CFAP61: variants seen among roughly 807,000 people sequenced by gnomAD.
The protein encoded by CFAP61 is cilia and flagella associated protein 61.
CFAP61 carries 107 observed loss-of-function variants against 135.6 expected under a neutral mutation model. That is an observed-to-expected ratio of 0.79 (90% confidence interval 0.67 to 0.93). The LOEUF (loss-of-function observed/expected upper bound fraction) is 0.93, where lower values mean the gene tolerates loss of function less well. Among genes scored for constraint, CFAP61 ranks in the 40% least tolerant of loss-of-function variants. The pLI is 0.00. For synonymous variants in CFAP61, 575 were observed against 578.5 expected (o/e 0.99, Z 0.09); for missense variants, 1,507 against 1,556.2 (o/e 0.97, Z 0.53).
At chr20:20,309,495 T>G (rs2056688905) in intron 25 of CFAP61, among the ~76,000 whole-genome samples, 1 of 152,120 alleles carries the variant, frequency 6.6e-6, no homozygotes, top group Non-Finnish European at 1.5e-5. Context: ...CTCGTACAGG[T>G]GAGGCAAGGG....
At chr20:20,239,579 T>C (rs751850068) in intron 18 of CFAP61, among the ~76,000 whole-genome samples, 2 of 152,208 alleles carry the variant, frequency 1.3e-5, no homozygotes, top group Non-Finnish European at 2.9e-5. Flanking sequence ...AATGATGCAT[T>C]TAATCTTCAC....
chr20:20,204,659 G>A (rs1036358953), intron 17 of CFAP61, among the ~76,000 whole-genome samples: 1 of 152,152 alleles, frequency 6.6e-6, no homozygotes, highest in Non-Finnish European at 1.5e-5. Context: ...ACCGCCAGTG[G>A]TTAGACTTCC....
chr20:20,277,342 G>GGA lies in CFAP61; in HGVS notation c.2682_2683dup (p.Val895GlufsTer69), dbSNP rs1165001391. The GGA allele has an allele frequency of 6.2e-7, 1 of 1,614,154 alleles. No homozygotes were observed. The highest frequency in any genetic ancestry group is 1.7e-5 in the Admixed American group (1 of 60,022). On this transcript the variant is annotated frameshift_variant, in exon 22 of 27. Transcript: ENST00000245957. LOFTEE classifies it high-confidence loss of function. ...CGTGGCGGACGCGCTAGGAGCCGCC[G>GGA]GAGTCACTATGTACCGGGATGCGAT...
chr20:20,251,151 T>G (rs1732372654), intron 19 of CFAP61, among the ~76,000 whole-genome samples: 2 of 152,230 alleles, frequency 1.3e-5, no homozygotes, highest in Non-Finnish European at 2.9e-5. Flanking sequence ...TTCTCGGTAT[T>G]CAAAGATTCT....
intron 2 of CFAP61, among the ~76,000 whole-genome samples, chr20:20,065,932 T>C (rs2045224588): frequency 6.6e-6 from 1 of 152,264 alleles, no homozygotes; most frequent in South Asian, 2.1e-4. Context: ...GCGAGTGCTG[T>C]TTCTCTATGA....
At chr20:20,228,563 G>T in intron 18 of CFAP61, 187 bp downstream of exon 18, 1 of 472,888 alleles carries the variant, frequency 2.1e-6, no homozygotes, top group South Asian at 4.5e-5. Flanking sequence ...TAGCCCTGAG[G>T]CCAGGCCTGG....
chr20:20,091,970 C>T (rs1157943943), intron 7 of CFAP61, among the ~76,000 whole-genome samples: 1 of 152,230 alleles, frequency 6.6e-6, no homozygotes, highest in Non-Finnish European at 1.5e-5. Context: ...GCGTGAGCCA[C>T]CGTGCCCAGC....
intron 25 of CFAP61, among the ~76,000 whole-genome samples, chr20:20,320,938 C>T (rs1201510501): frequency 2.0e-5 from 3 of 151,278 alleles, no homozygotes; most frequent in Non-Finnish European, 4.4e-5. Flanking sequence ...GAAATGTTTA[C>T]ATGGAAAATA....
intron 18 of CFAP61, 77 bp downstream of exon 18, chr20:20,228,453 T>C: frequency 7.8e-7 from 1 of 1,275,594 alleles, no homozygotes; most frequent in Non-Finnish European, 1.1e-6. Flanking sequence ...GAGAACACCA[T>C]CAGAGAACAG....
chr20:20,257,202 A>T (rs2051681809), intron 20 of CFAP61, among the ~76,000 whole-genome samples: 1 of 152,230 alleles, frequency 6.6e-6, no homozygotes, highest in African/African-American at 2.4e-5. Context: ...GTGTCCACCT[A>T]AATCTCTCAT....
intron 25 of CFAP61, among the ~76,000 whole-genome samples, chr20:20,337,346 G>GA (rs1207507993): frequency 1.3e-3 from 4 of 2,992 alleles, no homozygotes; most frequent in Non-Finnish European, 5.1e-3. Context: ...GGATAGATGG[G>GA]TGGGTGGGTG....
intron 25 of CFAP61, among the ~76,000 whole-genome samples, chr20:20,306,003 G>A (rs2424341): frequency 7.9e-5 from 12 of 151,982 alleles, no homozygotes; most frequent in Non-Finnish European, 1.5e-4. Flanking sequence ...AGGAGGAGGC[G>A]AAAGTCCACT....
chr20:20,169,259 A>G, intron 12 of CFAP61, 62 bp from the exon 13 acceptor site: 1 of 1,472,686 alleles, frequency 6.8e-7, no homozygotes, highest in Non-Finnish European at 9.3e-7. Context: ...TTTTTAGAGG[A>G]ATTTGTTTTT....
chr20:20,055,549 C>G (rs1194617303), intron 1 of CFAP61, among the ~76,000 whole-genome samples: 1 of 152,140 alleles, frequency 6.6e-6, no homozygotes, highest in Admixed American at 6.5e-5. Flanking sequence ...CACATCATTG[C>G]CACCTGGTTG....
At chr20:20,093,519 C>A (rs1172201334) in intron 7 of CFAP61, among the ~76,000 whole-genome samples, 1 of 151,090 alleles carries the variant, frequency 6.6e-6, no homozygotes, top group African/African-American at 2.4e-5. Context: ...ACTGCAACCT[C>A]CACCTCCCGG....
intron 6 of CFAP61, among the ~76,000 whole-genome samples, chr20:20,088,271 G>A (rs111799781): frequency 0.013 from 1,988 of 152,262 alleles, 29 homozygotes; most frequent in Non-Finnish European, 0.019. Flanking sequence ...CTTCCAGAGA[G>A]TTTTGACAAG....
intron 9 of CFAP61, among the ~76,000 whole-genome samples, chr20:20,144,141 G>A (rs2328496): frequency 0.9 from 137,304 of 152,266 alleles, 62,725 homozygotes; most frequent in Middle Eastern, 0.98. Context: ...AAGACTATCT[G>A]TAGGAATACA....
intron 26 of CFAP61, among the ~76,000 whole-genome samples, chr20:20,350,966 A>T (rs2058813775): frequency 6.6e-6 from 1 of 152,194 alleles, no homozygotes; most frequent in African/African-American, 2.4e-5. Flanking sequence ...TGAACACAAT[A>T]AAGGCCGTAT....
intron 17 of CFAP61, among the ~76,000 whole-genome samples, chr20:20,204,972 C>T (rs2056794847): frequency 6.6e-6 from 1 of 152,132 alleles, no homozygotes; most frequent in Non-Finnish European, 1.5e-5. Flanking sequence ...TTCTTGGGAT[C>T]ATTTACATAA....
Sources: gnomAD v4.1 joint callset for allele counts (sites outside exome capture counted in the v4.1 genomes callset) on GRCh38, gnomAD v4.1.1 for gene constraint, MANE v1.5 for transcripts, NCBI Gene and HGNC (gene_info 2026-07-23, HGNC 2026-07-21) for gene names.